FBXW10B: variants seen among roughly 807,000 people sequenced by gnomAD.
FBXW10B encodes F-box and WD repeat domain containing 10B, also known as F-box and WD repeat domain containing protein 10B.
At chr17:15,608,530 T>C in the FBXW10B span, among the ~76,000 whole-genome samples, 1 of 152,032 alleles carries the variant, frequency 6.6e-6, no homozygotes, top group African/African-American at 2.4e-5. Context: ...CTTGGCTCAC[T>C]GCAACCTCCG....
the FBXW10B span, among the ~76,000 whole-genome samples, chr17:15,601,049 C>CAAAAAAAAAAA: frequency 0.015 from 421 of 28,262 alleles, 108 homozygotes; most frequent in East Asian, 0.062. Context: ...GACTCCATCT[C>CAAAAAAAAAAA]AAAAAAAAAA....
At chr17:15,610,965 A>G in the FBXW10B span, among the ~76,000 whole-genome samples, 3 of 152,080 alleles carry the variant, frequency 2.0e-5, no homozygotes, top group Non-Finnish European at 4.4e-5. Context: ...AAAATGGGTG[A>G]AGGGACCAGC....
the FBXW10B span, among the ~76,000 whole-genome samples, chr17:15,584,888 A>G: frequency 3.9e-5 from 6 of 152,222 alleles, no homozygotes; most frequent in South Asian, 1.2e-3. Flanking sequence ...CTCTTCTAAA[A>G]GGGCTTTTCA....
the FBXW10B span, among the ~76,000 whole-genome samples, chr17:15,578,207 T>C: frequency 4.0e-5 from 6 of 151,516 alleles, no homozygotes; most frequent in Non-Finnish European, 8.8e-5. Context: ...GAAGCATTTT[T>C]TGTTTGGCCT....
the FBXW10B span, chr17:15,573,996 G>T: frequency 5.0e-6 from 3 of 599,378 alleles, no homozygotes; most frequent in Non-Finnish European, 8.9e-6. Context: ...TATGTTGATT[G>T]CTTGTGTGAA....
At chr17:15,569,100 G>A in the FBXW10B span, 5 of 605,568 alleles carry the variant, frequency 8.3e-6, no homozygotes, top group East Asian at 1.4e-4. Context: ...TAATAAACAT[G>A]AGTACAGGTA....
the FBXW10B span, among the ~76,000 whole-genome samples, chr17:15,567,513 T>C: frequency 6.6e-6 from 1 of 152,194 alleles, no homozygotes; most frequent in Non-Finnish European, 1.5e-5. Flanking sequence ...ATTTTTTTAT[T>C]ACTTAGCCAT....
the FBXW10B span, chr17:15,595,063 C>T: frequency 1.4e-4 from 72 of 514,894 alleles, no homozygotes; most frequent in African/African-American, 1.3e-3. Flanking sequence ...CAATGGAGGC[C>T]GGGCGCGGTG....
the FBXW10B span, chr17:15,619,674 T>A: frequency 1.1e-6 from 1 of 933,354 alleles, no homozygotes; most frequent in Non-Finnish European, 1.3e-6. Context: ...ATGGAAAGCC[T>A]ATCTCTCTCA....
chr17:15,570,381 G>A, the FBXW10B span, among the ~76,000 whole-genome samples: 3 of 152,192 alleles, frequency 2.0e-5, no homozygotes, highest in African/African-American at 7.2e-5. Context: ...GATGAACATG[G>A]TGAGCAAAAA....
At chr17:15,606,432 G>C in the FBXW10B span, among the ~76,000 whole-genome samples, 5 of 148,276 alleles carry the variant, frequency 3.4e-5, no homozygotes, top group African/African-American at 5.0e-5. Flanking sequence ...GAGACTGAGG[G>C]AGGAGAATCG....
the FBXW10B span, chr17:15,612,959 C>A: frequency 5.4e-6 from 6 of 1,111,916 alleles, no homozygotes; most frequent in Non-Finnish European, 6.2e-6. Flanking sequence ...CAGGCAGGCC[C>A]ACTTCTGGCC....
At chr17:15,611,846 C>T in the FBXW10B span, among the ~76,000 whole-genome samples, 137 of 152,242 alleles carry the variant, frequency 9.0e-4, no homozygotes, top group African/African-American at 3.2e-3. Context: ...AAGAGTCTTC[C>T]GGTCACTCTT....
At chr17:15,616,538 C>T in the FBXW10B span, among the ~76,000 whole-genome samples, 39 of 152,030 alleles carry the variant, frequency 2.6e-4, no homozygotes, top group African/African-American at 7.5e-4. Context: ...GGCGTGATGG[C>T]TCATGCCTGT....
chr17:15,594,489 T>TAAAAAAA, the FBXW10B span: 1 of 401,644 alleles, frequency 2.5e-6, no homozygotes, highest in African/African-American at 2.6e-5. Context: ...AAAAAAAAAT[T>TAAAAAAA]CAATATCTTC....
chr17:15,614,097 C>G, the FBXW10B span: 488 of 1,507,022 alleles, frequency 3.2e-4, 16 homozygotes, highest in East Asian at 0.01. Context: ...AGGCCGAGAA[C>G]AAGTCCCCAC....
At chr17:15,575,197 T>C in the FBXW10B span, among the ~76,000 whole-genome samples, 1 of 148,458 alleles carries the variant, frequency 6.7e-6, no homozygotes, top group Non-Finnish European at 1.5e-5. Context: ...CCCTAGGAGA[T>C]TATAGCTGCC....
chr17:15,584,269 T>C, the FBXW10B span, among the ~76,000 whole-genome samples: 2 of 152,222 alleles, frequency 1.3e-5, no homozygotes, highest in Non-Finnish European at 2.9e-5. Context: ...CTGTGTGTTA[T>C]AAATATTAAT....
chr17:15,615,729 A>G, the FBXW10B span: 39 of 1,613,822 alleles, frequency 2.4e-5, no homozygotes, highest in East Asian at 8.0e-4. Flanking sequence ...TTGGCTGTCC[A>G]ATAGACTTGT....
Sources: gnomAD v4.1 joint callset for allele counts (sites outside exome capture counted in the v4.1 genomes callset) on GRCh38, gnomAD v4.1.1 for gene constraint, MANE v1.5 for transcripts, NCBI Gene and HGNC (gene_info 2026-07-23, HGNC 2026-07-21) for gene names.